Variants in PPFIBP2 observed in about 807,000 individuals in gnomAD.
The protein encoded by PPFIBP2 is PPFIB scaffold protein 2, also known as liprin-beta-2.
A neutral mutation model predicts 118.3 loss-of-function variants in PPFIBP2; 118 were observed. The ratio of observed to expected loss-of-function variants is 1.00; its 90% CI spans 0.86 to 1.16. The LOEUF is 1.16. Among genes scored for constraint, PPFIBP2 ranks in the 50% most tolerant of loss-of-function variants. The pLI, the probability that PPFIBP2 is intolerant of heterozygous loss-of-function variation, is 0.00. For synonymous variants in PPFIBP2, 414 were observed against 397.4 expected (o/e 1.04, Z -0.50); for missense variants, 1,195 against 1,073.1 (o/e 1.11, Z -1.59).
chr11:7,540,344 G>A (rs190407511), intron 1 of PPFIBP2, among the ~76,000 whole-genome samples: 25 of 152,236 alleles, frequency 1.6e-4, no homozygotes, highest in African/African-American at 6.0e-4. Flanking sequence ...GAAGATGAGG[G>A]GACAGATCTG....
intron 1 of PPFIBP2, among the ~76,000 whole-genome samples, chr11:7,515,861 G>T (rs1220448369): frequency 6.6e-6 from 1 of 152,224 alleles, no homozygotes; most frequent in Non-Finnish European, 1.5e-5. Context: ...TATTTGTGGA[G>T]TGCATGGTCT....
At chr11:7,580,272 G>A (rs569996519) in intron 3 of PPFIBP2, among the ~76,000 whole-genome samples, 9 of 152,246 alleles carry the variant, frequency 5.9e-5, no homozygotes, top group East Asian at 1.9e-4. Flanking sequence ...CCCACCTCCT[G>A]TAGCCCAGGT....
intron 3 of PPFIBP2, among the ~76,000 whole-genome samples, chr11:7,587,677 T>A (rs763348301): frequency 4.1e-4 from 62 of 152,196 alleles, no homozygotes; most frequent in Admixed American, 6.5e-5. Context: ...ACCAGCTTTT[T>A]CCACGTGGAG....
intron 2 of PPFIBP2, among the ~76,000 whole-genome samples, chr11:7,550,177 A>G (rs757265499): frequency 6.6e-6 from 1 of 152,236 alleles, no homozygotes; most frequent in Non-Finnish European, 1.5e-5. Context: ...CCAGAAGCCT[A>G]TATTGATTAG....
intron 8 of PPFIBP2, among the ~76,000 whole-genome samples, chr11:7,627,859 AT>A (rs1169086737): frequency 6.6e-6 from 1 of 152,174 alleles, no homozygotes; most frequent in African/African-American, 2.4e-5. Context: ...TCAACTGTAG[AT>A]TTTTTTAAAT....
At chr11:7,514,923 G>C (rs915566950) in intron 1 of PPFIBP2, among the ~76,000 whole-genome samples, 4 of 152,100 alleles carry the variant, frequency 2.6e-5, no homozygotes, top group Non-Finnish European at 4.4e-5. Context: ...TCTATATTTT[G>C]GTCTACTTCC....
At chr11:7,636,605 C>T (rs894836211) in intron 14 of PPFIBP2, among the ~76,000 whole-genome samples, 4 of 152,264 alleles carry the variant, frequency 2.6e-5, no homozygotes, top group East Asian at 1.9e-4. Flanking sequence ...AGAGGTCATT[C>T]GCAGGTGTTT....
rs190567267 is a variant in PPFIBP2 at position 7,588,316 on chromosome 11, C to T, written c.280-4816C>T. The stretch of plus-strand genomic sequence containing the variant: ...TTGCTGGTCAGTCAGTCCTCTCCCT[C>T]CTGGCTACTCACAGTTCTCTCTCTG... On this transcript the variant is annotated intron_variant, in intron 3 of 23. Coordinates refer to ENST00000299492, the MANE Select transcript of PPFIBP2 (RefSeq NM_003621.5). Among the ~76,000 whole-genome samples the T allele has an allele frequency of 1.7e-4, 26 of 152,320 alleles. No homozygotes were observed. In the East Asian group the frequency reaches 5.0e-3, roughly 29 times the overall value.
intron 5 of PPFIBP2, among the ~76,000 whole-genome samples, chr11:7,600,903 T>C (rs1861307571): frequency 1.3e-5 from 2 of 152,246 alleles, no homozygotes; most frequent in African/African-American, 4.8e-5. Flanking sequence ...TTTAAAATGC[T>C]GTGTGAATCA....
intron 2 of PPFIBP2, among the ~76,000 whole-genome samples, chr11:7,561,217 C>T (rs950842598): frequency 6.6e-6 from 1 of 152,134 alleles, no homozygotes; most frequent in Non-Finnish European, 1.5e-5. Context: ...AGGGGCCTGC[C>T]ACCATGCTTG....
chr11:7,655,523 A>T (rs918343359), downstream of PPFIBP2: 3 of 1,286,760 alleles, frequency 2.3e-6, no homozygotes, highest in African/African-American at 4.6e-5. Context: ...CTCTCCCCAC[A>T]GTCAGACTGG....
At chr11:7,652,617 G>A (rs567961281) in intron 23 of PPFIBP2, among the ~76,000 whole-genome samples, 1 of 152,218 alleles carries the variant, frequency 6.6e-6, no homozygotes, top group Non-Finnish European at 1.5e-5. Context: ...TATCCTACGC[G>A]CCTTTAGATG....
intron 10 of PPFIBP2, among the ~76,000 whole-genome samples, chr11:7,629,831 C>T (rs951136042): frequency 6.6e-6 from 1 of 152,204 alleles, no homozygotes; most frequent in Non-Finnish European, 1.5e-5. Context: ...CCAGGACACG[C>T]CTTAGAGGCA....
At chr11:7,630,202 C>T (rs1364343363) in intron 10 of PPFIBP2, among the ~76,000 whole-genome samples, 2 of 152,140 alleles carry the variant, frequency 1.3e-5, no homozygotes, top group Non-Finnish European at 2.9e-5. Context: ...ATTCAGGAAC[C>T]TCTGATTCTG....
the PPFIBP2 span, chr11:7,665,225 A>G: frequency 3.1e-6 from 2 of 642,150 alleles, no homozygotes; most frequent in South Asian, 5.8e-5. Flanking sequence ...CCTTTTTGTT[A>G]GGCCCACACC....
intron 2 of PPFIBP2, among the ~76,000 whole-genome samples, chr11:7,559,151 T>C (rs1288503762): frequency 6.6e-6 from 1 of 152,154 alleles, no homozygotes; most frequent in East Asian, 1.9e-4. Context: ...ATGAAATAAA[T>C]AGAATTCCCC....
At chr11:7,545,648 C>T (rs540941470) in intron 1 of PPFIBP2, among the ~76,000 whole-genome samples, 1 of 151,910 alleles carries the variant, frequency 6.6e-6, no homozygotes, top group Admixed American at 6.5e-5. Context: ...TTCACTGGGG[C>T]TCTTGGAGCG....
chr11:7,576,633 C>T (rs978095504), intron 3 of PPFIBP2: 1 of 152,498 alleles, frequency 6.6e-6, no homozygotes, highest in African/African-American at 2.4e-5. Flanking sequence ...AGCAGGTAGC[C>T]CAGAGTGGGG....
rs190163330 is a variant in PPFIBP2 at position 7,563,938 on chromosome 11, G to T, written c.65-1615G>T. ...CCCAGCACTTTGGTAGGCCAATTTG[G>T]GTGGATCATGAGGTCAGGAGATTGA... On this transcript the variant is annotated intron_variant, in intron 2 of 23. Transcript: ENST00000299492. Among the ~76,000 whole-genome samples, 113 of 152,236 alleles carry T rather than the reference G, an allele frequency of 7.4e-4. 1 individual carries two copies. Among genetic ancestry groups the T allele is most frequent in the African/African-American group, 2.7e-3 (113 of 41,530 alleles).
Sources: allele counts gnomAD v4.1 joint callset (sites outside exome capture counted in the v4.1 genomes callset), GRCh38; gene constraint gnomAD v4.1.1; transcripts MANE v1.5; gene names NCBI Gene and HGNC (gene_info 2026-07-23, HGNC 2026-07-21).